The following TPST2 variants were observed in gnomAD, a reference collection of about 807,000 sequenced individuals.
The protein encoded by TPST2 is tyrosylprotein sulfotransferase 2.
TPST2 carries 16 observed loss-of-function variants against 27.8 expected under a neutral mutation model. The observed-to-expected ratio is 0.58, with a 90% CI of 0.39 to 0.88. The LOEUF (loss-of-function observed/expected upper bound fraction) is 0.88, where lower values mean the gene tolerates loss of function less well. Among genes scored for constraint, TPST2 ranks in the 40% least tolerant of loss-of-function variants. The pLI, the probability that TPST2 is intolerant of heterozygous loss-of-function variation, is 0.00. For synonymous variants in TPST2, 229 were observed against 231.7 expected (o/e 0.99, Z 0.10); for missense variants, 464 against 543.1 (o/e 0.85, Z 1.45).
chr22:26,546,189 C>T (rs188026041), intron 1 of TPST2, among the ~76,000 whole-genome samples: 1 of 152,236 alleles, frequency 6.6e-6, no homozygotes, highest in East Asian at 1.9e-4. Context: ...CCTTCCTATT[C>T]ACTCACTCCT....
At chr22:26,580,456 C>A (rs1928056608) in intron 1 of TPST2, among the ~76,000 whole-genome samples, 1 of 152,156 alleles carries the variant, frequency 6.6e-6, no homozygotes, top group Non-Finnish European at 1.5e-5. Context: ...ACTACTGGCC[C>A]AGCCCCCTCC....
At chr22:26,542,470 T>C (rs1925918347) in intron 2 of TPST2, among the ~76,000 whole-genome samples, 1 of 152,136 alleles carries the variant, frequency 6.6e-6, no homozygotes, top group African/African-American at 2.4e-5. Context: ...AGTTACCCCA[T>C]CTGGCCCAAG....
At chr22:26,582,256 G>A (rs1298048538) in intron 1 of TPST2, among the ~76,000 whole-genome samples, 2 of 152,028 alleles carry the variant, frequency 1.3e-5, no homozygotes, top group African/African-American at 4.8e-5. Context: ...GTGAAATCCC[G>A]TCTCCACTAA....
At chr22:26,578,874 C>T (rs1251266020) in intron 1 of TPST2, among the ~76,000 whole-genome samples, 6 of 144,080 alleles carry the variant, frequency 4.2e-5, no homozygotes, top group South Asian at 2.2e-4. Flanking sequence ...TTTTTTGAGA[C>T]GGGGTCTCAC....
chr22:26,541,396 T>G lies in TPST2; in HGVS notation c.235A>C (p.Ser79Arg). The G allele has an allele frequency of 6.4e-7, 1 of 1,561,358 alleles. No homozygotes were observed. The highest frequency in any genetic ancestry group is 8.7e-7 in the Non-Finnish European group (1 of 1,153,038). Residue 79 changes from serine to arginine, a missense_variant, in exon 3 of 7, where the codon AGT (serine) becomes CGT (arginine). Coordinates refer to ENST00000338754, the MANE Select transcript of TPST2 (RefSeq NM_003595.5). The surrounding 1 kb of genome is among the most constrained non-coding windows in gnomAD (Gnocchi z 5.9). The part of the protein sequence containing the change: ...PLIFVGGVPR[S>R]GTTLMRAMLD... ...ATGGCGCGCATCAACGTGGTGCCAC[T>G]GCGAGGCACGCCACCCACGAAGATG...
Position 26,571,199 on chromosome 22 carries a change from G to A in TPST2, c.-161+18854C>T, listed in dbSNP as rs117362686. The stretch of plus-strand genomic sequence containing the variant: ...TGGCCCTTGCCTCTTCTCCAGCCAC[G>A]CTGGCCCCCTTGCTGTCACTCAAAC... On this transcript the variant is annotated intron_variant, in intron 1 of 6. Coordinates refer to ENST00000338754, the MANE Select transcript of TPST2 (RefSeq NM_003595.5). Among the ~76,000 whole-genome samples, 479 of 150,840 alleles carry A rather than the reference G, an allele frequency of 3.2e-3. 5 individuals carry two copies. The highest frequency in any genetic ancestry group is 0.019 in the East Asian group (98 of 5,104).
intron 1 of TPST2, among the ~76,000 whole-genome samples, chr22:26,580,796 C>A (rs1216931788): frequency 6.6e-6 from 1 of 152,072 alleles, no homozygotes; most frequent in Admixed American, 6.6e-5. Flanking sequence ...GGGAGAAGCA[C>A]TAAAGACGCG....
intron 3 of TPST2, among the ~76,000 whole-genome samples, chr22:26,538,199 C>T (rs1363938548): frequency 6.6e-6 from 1 of 152,218 alleles, no homozygotes; most frequent in Non-Finnish European, 1.5e-5. Context: ...AAAAGGAAGA[C>T]AAGACCGGGC....
chr22:26,535,431 T>TCA (rs767805739), intron 4 of TPST2, among the ~76,000 whole-genome samples: 2 of 152,304 alleles, frequency 1.3e-5, no homozygotes, highest in East Asian at 3.9e-4. Context: ...AATAAGGCCA[T>TCA]CAACTTGTTA....
intron 2 of TPST2, among the ~76,000 whole-genome samples, chr22:26,542,548 T>C (rs1420485498): frequency 2.6e-5 from 4 of 152,212 alleles, no homozygotes; most frequent in Non-Finnish European, 4.4e-5. Flanking sequence ...GCACCTGCTA[T>C]GTGCTGGGAG....
chr22:26,544,120 G>A (rs1157536389), intron 2 of TPST2, among the ~76,000 whole-genome samples: 1 of 152,160 alleles, frequency 6.6e-6, no homozygotes, highest in East Asian at 1.9e-4. Context: ...CTGGTGATCT[G>A]GACAAAAGGT....
At position 26,549,877 on chromosome 22, in the gene TPST2, A is replaced by T. The variant is rs190245954; in HGVS notation, c.-160-5202T>A. ...AACCCCCCTCTCTACTAAAAAAAAAAAAAAAAAAAAATTAGCCGGGTGTGG... is the reference window on the plus strand; with the variant it reads ...AACCCCCCTCTCTACTAAAAAAAAATAAAAAAAAAAATTAGCCGGGTGTGG... On this transcript the variant is annotated intron_variant, in intron 1 of 6. Coordinates refer to ENST00000338754, the MANE Select transcript of TPST2 (RefSeq NM_003595.5). Among the ~76,000 whole-genome samples, 791 of 148,604 alleles carry T rather than the reference A, an allele frequency of 5.3e-3. 8 individuals are homozygous for T. The highest frequency in any genetic ancestry group is 0.018 in the African/African-American group (741 of 40,310).
chr22:26,552,952 C>T (rs539704378), intron 1 of TPST2, among the ~76,000 whole-genome samples: 17 of 150,210 alleles, frequency 1.1e-4, no homozygotes, highest in African/African-American at 4.2e-4. Context: ...CCCAGCTACT[C>T]GAGAGCCTGA....
At chr22:26,583,361 G>A (rs6005086) in intron 1 of TPST2, among the ~76,000 whole-genome samples, 1,707 of 145,840 alleles carry the variant, frequency 0.012, 28 homozygotes, top group African/African-American at 0.041. Flanking sequence ...CACTTGAACC[G>A]AGGAGGCAGG....
chr22:26,547,707 C>T (rs1320647408), intron 1 of TPST2: 2 of 152,120 alleles, frequency 1.3e-5, no homozygotes, highest in African/African-American at 2.4e-5. Flanking sequence ...CCCAGCTACT[C>T]GGGAGGCCGA....
Position 26,528,282 on chromosome 22 carries a change from A to G in TPST2, c.1093-20T>C, listed in dbSNP as rs963547571. The G allele has an allele frequency of 1.9e-6, 3 of 1,558,476 alleles. No homozygotes were observed. Among genetic ancestry groups the G allele is most frequent in the Middle Eastern group, 1.7e-4 (1 of 6,026 alleles). On this transcript the variant is annotated intron_variant, in intron 5 of 6. Transcript: ENST00000338754. ...GTTCACCTGGAGAAAGACAATACAC[A>G]GAAGAAGGGGTCACGGCCAGGTGAG...
intron 1 of TPST2, among the ~76,000 whole-genome samples, chr22:26,559,387 T>C (rs1926967393): frequency 6.6e-6 from 1 of 152,172 alleles, no homozygotes; most frequent in South Asian, 2.1e-4. Context: ...AAAAATAAAG[T>C]GTACAGTTCA....
intron 1 of TPST2, among the ~76,000 whole-genome samples, chr22:26,555,988 T>C (rs1926773594): frequency 6.6e-6 from 1 of 152,162 alleles, no homozygotes; most frequent in Admixed American, 6.5e-5. Context: ...GTGCCATGGA[T>C]CTCTTCAACC....
At position 26,590,093 on chromosome 22, in the gene TPST2, C is replaced by G. The variant is rs1928501130; in HGVS notation, c.-201G>C. Reference sequence around the variant, plus strand: ...CGAGGCAGCCCCACGCACCCAGCGACTCCCGGCTCTCCAGCCGCCCCAGCC... The same window carrying G: ...CGAGGCAGCCCCACGCACCCAGCGAGTCCCGGCTCTCCAGCCGCCCCAGCC... On this transcript the variant is annotated 5_prime_UTR_variant, in exon 1 of 7. Coordinates refer to ENST00000338754, the MANE Select transcript of TPST2 (RefSeq NM_003595.5). The G allele has an allele frequency of 6.6e-6, 1 of 151,934 alleles. No individual in the cohort carries two copies. The highest frequency in any genetic ancestry group is 1.5e-5 in the Non-Finnish European group (1 of 68,000). 9.4% of individuals were successfully genotyped at this position (151,934 alleles called of 1,614,324 possible). A position where few individuals can be genotyped will look rare whatever the true frequency, so the allele number is the denominator to read the frequency against.
Sources: allele counts gnomAD v4.1 joint callset (sites outside exome capture counted in the v4.1 genomes callset), GRCh38; gene constraint gnomAD v4.1.1; non-coding constraint Gnocchi (gnomAD v3.1); transcripts MANE v1.5; gene names NCBI Gene and HGNC (gene_info 2026-07-23, HGNC 2026-07-21).